ADD3: variants seen among roughly 807,000 people sequenced by gnomAD.
ADD3 encodes gamma-adducin.
ADD3 carries 25 observed loss-of-function variants against 80.2 expected under a neutral mutation model. That is an observed-to-expected ratio of 0.31 (90% CI 0.23 to 0.44). The LOEUF (loss-of-function observed/expected upper bound fraction) is 0.44, where lower values mean the gene tolerates loss of function less well. Among genes scored for constraint, ADD3 ranks in the 20% least tolerant of loss-of-function variants. The pLI is 1.00. For synonymous variants in ADD3, 284 were observed against 289.6 expected, an observed-to-expected ratio of 0.98 and a Z score of 0.20; for missense variants, 829 against 847.5, an observed-to-expected ratio of 0.98 and a Z score of 0.27.
At chr10:110,059,208 A>C (rs1231124980) in intron 1 of ADD3, among the ~76,000 whole-genome samples, 3 of 152,190 alleles carry the variant, frequency 2.0e-5, no homozygotes, top group Non-Finnish European at 4.4e-5. Flanking sequence ...ACAGTGGCTC[A>C]TGCCTGTAAT....
intron 12 of ADD3, among the ~76,000 whole-genome samples, chr10:110,127,876 G>A (rs868699119): frequency 6.6e-6 from 1 of 152,072 alleles, no homozygotes; most frequent in South Asian, 2.1e-4. Context: ...TCCGAGAAAA[G>A]GATACATAGG....
intron 1 of ADD3, among the ~76,000 whole-genome samples, chr10:110,014,817 G>A (rs1852751467): frequency 6.6e-6 from 1 of 152,176 alleles, no homozygotes; most frequent in African/African-American, 2.4e-5. Context: ...GTGAGCCACC[G>A]CGTCCAGCCT....
intron 1 of ADD3, among the ~76,000 whole-genome samples, chr10:110,062,958 T>C (rs1859110811): frequency 6.6e-6 from 1 of 152,224 alleles, no homozygotes; most frequent in African/African-American, 2.4e-5. Context: ...TATTTCGGGA[T>C]CTGTTCTGAT....
At chr10:110,120,399 T>G (rs1223408077) in intron 8 of ADD3, among the ~76,000 whole-genome samples, 13 of 151,628 alleles carry the variant, frequency 8.6e-5, no homozygotes, top group Admixed American at 8.5e-4. Context: ...ACAAAGGACA[T>G]GAACTCATCA....
intron 1 of ADD3, among the ~76,000 whole-genome samples, chr10:110,090,840 T>G (rs1274570729): frequency 6.6e-6 from 1 of 152,202 alleles, no homozygotes; most frequent in Non-Finnish European, 1.5e-5. Flanking sequence ...TTTGTTATTG[T>G]TGTGGGGGTT....
At chr10:110,025,756 C>T (rs1035657838) in intron 1 of ADD3, among the ~76,000 whole-genome samples, 3 of 152,116 alleles carry the variant, frequency 2.0e-5, no homozygotes, top group Non-Finnish European at 4.4e-5. Context: ...TTTTTCACTT[C>T]ATTACATTAC....
intron 12 of ADD3, among the ~76,000 whole-genome samples, chr10:110,129,310 C>T (rs951070734): frequency 2.0e-4 from 31 of 152,012 alleles, no homozygotes; most frequent in Admixed American, 1.4e-3. Flanking sequence ...CCACCATGCC[C>T]GGCTAATTTT....
At chr10:110,072,543 G>A (rs1370685373) in intron 1 of ADD3, among the ~76,000 whole-genome samples, 1 of 152,146 alleles carries the variant, frequency 6.6e-6, no homozygotes, top group Non-Finnish European at 1.5e-5. Context: ...TTTACCGGGT[G>A]GAGGCCTGTA....
At chr10:110,023,378 G>A (rs1476688053) in intron 1 of ADD3, among the ~76,000 whole-genome samples, 3 of 152,148 alleles carry the variant, frequency 2.0e-5, no homozygotes, top group African/African-American at 4.8e-5. Context: ...CCAGGCTTCA[G>A]AACTGAGAGA....
Position 110,126,476 on chromosome 10 carries a change from T to C in ADD3, c.1581T>C (p.Ala527=). ...KTAGPQSQLL[A]GIVVDKPPST... ...CAGGACCACAATCTCAGTTGCTTGC[T>C]GGAATTGTTGTGGATAAGCCACCTT... Residue 527 remains alanine, a synonymous_variant, in exon 12 of 15, where the codon GCT becomes GCC. Coordinates refer to ENST00000356080, the MANE Select transcript of ADD3 (RefSeq NM_016824.5). The C allele has an allele frequency of 6.2e-7, 1 of 1,613,664 alleles. No homozygotes were observed. The highest frequency in any genetic ancestry group is 1.1e-5 in the South Asian group (1 of 91,076).
Position 110,119,298 on chromosome 10 carries a change from C to T in ADD3, c.805C>T (p.Leu269Phe). The change falls in exon 7 of 15, where the codon CTT becomes TTT. Residue 269 changes from leucine to phenylalanine, a missense_variant. Leu to Phe is a conservative substitution (Grantham distance 22). Coordinates refer to ENST00000356080, the MANE Select transcript of ADD3 (RefSeq NM_016824.5). ...DVAYYDYQGS[L>F]EEQEERIQLQ... ...TGCCTATTATGACTACCAAGGGTCA[C>T]TTGAAGAACAGGAGGAGAGAATTCA... 2 of 1,614,150 alleles carry T rather than the reference C, an allele frequency of 1.2e-6. No individual in the cohort carries two copies. Among genetic ancestry groups the T allele is most frequent in the Non-Finnish European group, 1.7e-6 (2 of 1,180,014 alleles).
chr10:110,059,426 C>T (rs753975280), intron 1 of ADD3, among the ~76,000 whole-genome samples: 4 of 149,948 alleles, frequency 2.7e-5, no homozygotes, highest in East Asian at 2.0e-4. Context: ...GAGCTGAGTG[C>T]GCGCTGCTGC....
intron 12 of ADD3, among the ~76,000 whole-genome samples, 171 bp downstream of exon 12, chr10:110,126,674 T>G (rs560699272): frequency 3.9e-5 from 6 of 152,286 alleles, no homozygotes; most frequent in Non-Finnish European, 7.4e-5. Flanking sequence ...TGCAGCAACT[T>G]TCTGTTCTTT....
intron 1 of ADD3, among the ~76,000 whole-genome samples, chr10:110,036,351 C>CA (rs1305206848): frequency 6.6e-6 from 1 of 151,302 alleles, no homozygotes; most frequent in Non-Finnish European, 1.5e-5. Flanking sequence ...ATGTGATAAT[C>CA]CCCTTACATA....
intron 1 of ADD3, among the ~76,000 whole-genome samples, chr10:110,040,897 AAG>A (rs1043097034): frequency 1.3e-5 from 2 of 150,524 alleles, no homozygotes; most frequent in South Asian, 2.1e-4. Context: ...AACTGGAAAA[AAG>A]AACTTGCACG....
chr10:110,046,005 T>C (rs891938675), intron 1 of ADD3, among the ~76,000 whole-genome samples: 12 of 152,218 alleles, frequency 7.9e-5, no homozygotes, highest in Admixed American at 5.9e-4. Flanking sequence ...TTATTGTGTA[T>C]CTTTCATTGT....
chr10:110,017,575 T>C (rs894702986), intron 1 of ADD3, among the ~76,000 whole-genome samples: 2 of 152,110 alleles, frequency 1.3e-5, no homozygotes, highest in Admixed American at 1.3e-4. Context: ...GGGGATTTGT[T>C]TTTTGTATGT....
At chr10:110,049,070 G>A (rs1001118359) in intron 1 of ADD3, among the ~76,000 whole-genome samples, 7 of 152,220 alleles carry the variant, frequency 4.6e-5, no homozygotes, top group Non-Finnish European at 8.8e-5. Context: ...TCTAGCCATG[G>A]CTAAAAGGGG....
intron 10 of ADD3, among the ~76,000 whole-genome samples, 157 bp downstream of exon 10, chr10:110,124,431 A>T (rs562676699): frequency 6.6e-6 from 1 of 152,346 alleles, no homozygotes; most frequent in Admixed American, 6.5e-5. Flanking sequence ...CACTCTTCTA[A>T]GTGCCATACA....
Sources: allele counts gnomAD v4.1 joint callset (sites outside exome capture counted in the v4.1 genomes callset), GRCh38; gene constraint gnomAD v4.1.1; transcripts MANE v1.5; gene names NCBI Gene and HGNC (gene_info 2026-07-23, HGNC 2026-07-21).